Variants in NEXMIF observed in about 807,000 individuals in gnomAD.
NEXMIF encodes the protein neurite extension and migration factor.
Under a neutral mutation model 62.1 loss-of-function variants are expected in NEXMIF, and 8 were observed. The observed-to-expected ratio is 0.13, with a 90% CI of 0.08 to 0.23. The LOEUF (loss-of-function observed/expected upper bound fraction) is 0.23, where lower values mean the gene tolerates loss of function less well. NEXMIF is among the 10% of genes least tolerant of loss of function. NEXMIF has a pLI of 1.00. For synonymous variants in NEXMIF, 404 were observed against 416.6 expected, an observed-to-expected ratio of 0.97 and a Z score of 0.37; for missense variants, 976 against 1,113.3, an observed-to-expected ratio of 0.88 and a Z score of 1.75.
chrX:74,817,606 T>C (rs1005408468), intron 1 of NEXMIF, among the ~76,000 whole-genome samples: 2 of 111,803 alleles, frequency 1.8e-5, no homozygotes, highest in Non-Finnish European at 1.9e-5. Flanking sequence ...CTCACCTATG[T>C]TGAGAAAAAC....
chrX:74,794,708 C>T (rs966166848), intron 1 of NEXMIF, among the ~76,000 whole-genome samples: 1 of 111,804 alleles, frequency 8.9e-6, no homozygotes, highest in East Asian at 2.8e-4. Flanking sequence ...GTCGGAAAAG[C>T]GCCATATTCG....
intron 1 of NEXMIF, among the ~76,000 whole-genome samples, chrX:74,871,730 G>A (rs1282061031): frequency 9.0e-6 from 1 of 111,418 alleles, no homozygotes; most frequent in Non-Finnish European, 1.9e-5. Flanking sequence ...AGAAAAATAT[G>A]TCTCTATTCT....
intron 1 of NEXMIF, among the ~76,000 whole-genome samples, chrX:74,860,787 C>T (rs893537652): frequency 1.8e-5 from 2 of 111,204 alleles, no homozygotes; most frequent in African/African-American, 6.5e-5. Flanking sequence ...TAAGTGTGTA[C>T]ATCAAAAAAG....
rs1418257216 is a variant in NEXMIF, at chrX:74,738,154, A to G, written c.*1251T>C. 1 of 111,759 alleles carries G rather than the reference A, an allele frequency of 8.9e-6. No individual in the cohort carries two copies. Among genetic ancestry groups the G allele is most frequent in the Non-Finnish European group, 1.9e-5 (1 of 53,139 alleles). 9.2% of individuals were successfully genotyped at this position (111,759 alleles called of 1,213,427 possible). On this transcript the variant is annotated 3_prime_UTR_variant, in exon 4 of 4. Transcript: ENST00000055682. ...AAGTAGGGGGAGTACTGAATAAAAAATGTGATTTAAAAATTTGTACTTAAA... is the reference window on the plus strand; with the variant it reads ...AAGTAGGGGGAGTACTGAATAAAAAGTGTGATTTAAAAATTTGTACTTAAA...
intron 1 of NEXMIF, among the ~76,000 whole-genome samples, chrX:74,877,113 T>G (rs893758545): frequency 8.9e-6 from 1 of 111,932 alleles, no homozygotes; most frequent in African/African-American, 3.2e-5. Flanking sequence ...TTGGCATGAT[T>G]TTGCAGCAGC....
chrX:74,823,697 CAGATAGATAGATAGAT>C (rs60606226), intron 1 of NEXMIF, among the ~76,000 whole-genome samples: 114 of 101,738 alleles, frequency 1.1e-3, no homozygotes, highest in African/African-American at 3.8e-3. Flanking sequence ...CAGAGAAAGA[CAGATAGATAGATAGAT>C]AGATAGATAG....
rs1052243209 is a variant in NEXMIF, at chrX:74,743,831, G to A, written c.726C>T (p.Asp242=). 2 of 1,209,499 alleles carry A rather than the reference G, an allele frequency of 1.7e-6. No individual in the cohort carries two copies. Among genetic ancestry groups the A allele is most frequent in the African/African-American group, 3.5e-5 (2 of 57,057 alleles). ...GCAAAGCTTCTTCTGTATTGCACTT[G>A]TCTAACAGTAATGCCTCATAATAGC... ...QKSYYEALLL[D]KCNTEEALLA... Residue 242 remains aspartate, a synonymous_variant, in exon 3 of 4, where the codon GAC becomes GAT. Coordinates refer to ENST00000055682, the MANE Select transcript of NEXMIF (RefSeq NM_001008537.3).
intron 1 of NEXMIF, among the ~76,000 whole-genome samples, chrX:74,796,218 TATACA>T (rs1170577324): frequency 1.4e-5 from 1 of 70,202 alleles, no homozygotes; most frequent in Non-Finnish European, 2.5e-5. Flanking sequence ...ATTATATATA[TATACA>T]TATATAATAT....
At chrX:74,813,286 T>A (rs1402239987) in intron 1 of NEXMIF, among the ~76,000 whole-genome samples, 2 of 111,095 alleles carry the variant, frequency 1.8e-5, no homozygotes, top group Non-Finnish European at 3.8e-5. Context: ...GGCAGATATA[T>A]AAAATAACAT....
At chrX:74,882,221 G>A (rs6647555) in intron 1 of NEXMIF, among the ~76,000 whole-genome samples, 16,169 of 111,388 alleles carry the variant, frequency 0.15, 1,770 homozygotes, top group East Asian at 0.9. Flanking sequence ...CAGCGTGAGC[G>A]ACGCAGAAGA....
At chrX:74,890,573 T>C (rs1213518970) in intron 1 of NEXMIF, among the ~76,000 whole-genome samples, 1 of 111,814 alleles carries the variant, frequency 8.9e-6, no homozygotes, top group Non-Finnish European at 1.9e-5. Context: ...TCATCAAACA[T>C]ATTCTTAAAT....
intron 1 of NEXMIF, among the ~76,000 whole-genome samples, chrX:74,806,244 A>G (rs2080344633): frequency 9.0e-6 from 1 of 111,059 alleles, no homozygotes; most frequent in Admixed American, 9.7e-5. Flanking sequence ...CCTGGCAACA[A>G]TAGACACTGG....
chrX:74,795,298 G>C (rs1254815920), intron 1 of NEXMIF, among the ~76,000 whole-genome samples: 1 of 112,108 alleles, frequency 8.9e-6, no homozygotes, highest in African/African-American at 3.2e-5. Flanking sequence ...CTTTCAACAA[G>C]AGAATGGATA....
intron 1 of NEXMIF, among the ~76,000 whole-genome samples, chrX:74,883,186 A>C (rs2080673625): frequency 9.0e-6 from 1 of 111,594 alleles, no homozygotes; most frequent in Non-Finnish European, 1.9e-5. Flanking sequence ...TAAAACCACA[A>C]AGATAGGGAA....
intron 1 of NEXMIF, among the ~76,000 whole-genome samples, chrX:74,845,321 C>T (rs984983496): frequency 2.7e-5 from 3 of 111,821 alleles, no homozygotes; most frequent in Non-Finnish European, 3.8e-5. Flanking sequence ...AAATAGTCTA[C>T]TCTGAGGATA....
chrX:74,819,855 A>G (rs1008124308), intron 1 of NEXMIF, among the ~76,000 whole-genome samples: 2 of 112,226 alleles, frequency 1.8e-5, no homozygotes, highest in Non-Finnish European at 3.8e-5. Context: ...CCAAAGGATT[A>G]TAAATCATGC....
chrX:74,769,235 A>G (rs1051327856), intron 1 of NEXMIF, among the ~76,000 whole-genome samples: 3 of 111,238 alleles, frequency 2.7e-5, no homozygotes, highest in Non-Finnish European at 5.7e-5. Context: ...CAAAAACAAA[A>G]CACCTGTGTT....
intron 1 of NEXMIF, among the ~76,000 whole-genome samples, chrX:74,865,361 C>G (rs1170669977): frequency 9.0e-6 from 1 of 111,709 alleles, no homozygotes; most frequent in South Asian, 3.8e-4. Flanking sequence ...GGCTCCTGCC[C>G]TAGAGATCTG....
At chrX:74,915,164 C>T (rs1490626187) in intron 1 of NEXMIF, among the ~76,000 whole-genome samples, 2 of 111,453 alleles carry the variant, frequency 1.8e-5, no homozygotes, top group Non-Finnish European at 3.8e-5. Flanking sequence ...TGGCTGGGCA[C>T]GCTGGCTTAC....
Sources: gnomAD v4.1 joint callset for allele counts (sites outside exome capture counted in the v4.1 genomes callset) on GRCh38, gnomAD v4.1.1 for gene constraint, MANE v1.5 for transcripts, NCBI Gene and HGNC (gene_info 2026-07-23, HGNC 2026-07-21) for gene names.